VIRMA: variants seen among roughly 807,000 people sequenced by gnomAD.
The protein encoded by VIRMA is vir like m6A methyltransferase associated.
Under a neutral mutation model 182.4 loss-of-function variants are expected in VIRMA, and 65 were observed. That is an observed-to-expected ratio of 0.36 (90% CI 0.29 to 0.44). The LOEUF (loss-of-function observed/expected upper bound fraction) is 0.44. VIRMA is among the 20% of genes least tolerant of loss of function. The probability of loss-of-function intolerance (pLI) is 1.00; values close to 1 mark genes in which losing one functional copy is unlikely to be tolerated. For missense variants in VIRMA, 1,752 were observed against 2,158.1 expected (o/e 0.81, Z 3.73); for synonymous variants, 709 against 743.1 (o/e 0.95, Z 0.75).
At chr8:94,513,347 A>G (rs1216043407) in intron 11 of VIRMA, among the ~76,000 whole-genome samples, 8 of 152,052 alleles carry the variant, frequency 5.3e-5, no homozygotes, top group Admixed American at 5.2e-4. Flanking sequence ...AAAACAAAAC[A>G]AAACAAAACA....
At chr8:94,524,300 G>GTGTT (rs113388664) in intron 8 of VIRMA, among the ~76,000 whole-genome samples, 5,899 of 144,448 alleles carry the variant, frequency 0.041, 128 homozygotes, top group Middle Eastern at 0.051. Flanking sequence ...TGCCTGGCCG[G>GTGTT]TGTTTGTTTG....
chr8:94,488,837 G>A lies in VIRMA; in HGVS notation c.5308C>T (p.Arg1770Cys), dbSNP rs567292431. 14 of 1,613,990 alleles carry A rather than the reference G, an allele frequency of 8.7e-6. No homozygotes were observed. The highest frequency in any genetic ancestry group is 2.2e-5 in the South Asian group (2 of 91,070). The change falls in exon 24 of 24, where the codon CGT (arginine) becomes TGT (cysteine). Residue 1770 changes from arginine (R) to cysteine (C), a missense_variant. Arg to Cys is a radical substitution (Grantham distance 180). Coordinates refer to ENST00000297591, the MANE Select transcript of VIRMA (RefSeq NM_015496.5). The stretch of plus-strand genomic sequence containing the variant: ...AGTCCCCCACGACCTCTAGAAGCAC[G>A]GTCCCGAGGACTTGGGCGGTAACCT... Reference protein sequence around the residue: ...STGYRPSPRDRASRGRGGLGP... With the variant: ...STGYRPSPRDCASRGRGGLGP...
chr8:94,494,756 G>T, intron 20 of VIRMA, 104 bp downstream of exon 20: 2 of 693,118 alleles, frequency 2.9e-6, no homozygotes, highest in Non-Finnish European at 2.4e-6. Flanking sequence ...CTTCCAAGTA[G>T]ACTTTAACAG....
chr8:94,496,139 T>G (rs1421881009), intron 18 of VIRMA, 189 bp downstream of exon 18: 3 of 631,336 alleles, frequency 4.8e-6, no homozygotes, highest in Non-Finnish European at 7.9e-6. Flanking sequence ...ACCGTCTTCA[T>G]GTACTCCTTA....
chr8:94,518,794 T>C (rs566883821), intron 9 of VIRMA, among the ~76,000 whole-genome samples, 191 bp downstream of exon 9: 4 of 152,360 alleles, frequency 2.6e-5, no homozygotes, highest in African/African-American at 9.6e-5. Flanking sequence ...AAGAGTCCAC[T>C]GTATTACTTT....
intron 15 of VIRMA, among the ~76,000 whole-genome samples, chr8:94,509,357 A>G (rs3102857): frequency 0.31 from 46,773 of 151,218 alleles, 7,333 homozygotes; most frequent in South Asian, 0.47. Context: ...AGCTGAGATC[A>G]CGCCATTGCA....
In VIRMA at chr8:94,538,325, A is replaced by G; in HGVS notation, c.201T>C (p.Phe67=). Residue 67 remains phenylalanine, a synonymous_variant, in exon 3 of 24, where the codon TTT becomes TTC. Coordinates refer to ENST00000297591, the MANE Select transcript of VIRMA (RefSeq NM_015496.5). ...CATTGTTGAAGAATAAGTCTAATTG[A>G]AATGTATGGGGAGATGTCTCTCTGT... ...RAYGETSPHT[F]QLDLFFNNVS... is the part of the protein sequence containing the mutation. 2.5e-6 allele frequency: 4 copies of G among 1,611,740 alleles called. No individual in the cohort carries two copies. Among genetic ancestry groups the G allele is most frequent in the Non-Finnish European group, 3.4e-6 (4 of 1,177,946 alleles).
intron 1 of VIRMA, among the ~76,000 whole-genome samples, chr8:94,550,290 A>AT (rs11356608): frequency 3.0e-3 from 427 of 143,120 alleles, no homozygotes; most frequent in African/African-American, 5.5e-3. Flanking sequence ...TCTCTGAACC[A>AT]TTTTTTTTTT....
intron 1 of VIRMA, among the ~76,000 whole-genome samples, chr8:94,548,255 T>C (rs1343327648): frequency 6.6e-6 from 1 of 150,446 alleles, no homozygotes; most frequent in Non-Finnish European, 1.5e-5. Context: ...ACTTTTGAAA[T>C]ATTATATAGG....
intron 15 of VIRMA, among the ~76,000 whole-genome samples, chr8:94,508,590 C>A (rs1814248248): frequency 2.6e-5 from 4 of 151,796 alleles, no homozygotes; most frequent in Admixed American, 2.6e-4. Flanking sequence ...TGTAGTCATG[C>A]AACCCAAAGT....
In VIRMA at chr8:94,510,401, T is replaced by G. The variant is rs1377064224; in HGVS notation, c.3626+16A>C. ...AATAATTTGAGGAAAAAATTTTTAA[T>G]GCAAAATGAAAATACCTTTGCAAGT... On this transcript the variant is annotated intron_variant, in intron 14 of 23. Transcript: ENST00000297591. 6.3e-7 allele frequency: 1 copy of G among 1,592,582 alleles called. No individual in the cohort carries two copies. Among genetic ancestry groups the G allele is most frequent in the Non-Finnish European group, 8.6e-7 (1 of 1,165,866 alleles).
rs1390120490 is a variant in VIRMA, at chr8:94,495,789, G to C, written c.4486C>G (p.Gln1496Glu). 2 of 1,613,726 alleles carry C rather than the reference G, an allele frequency of 1.2e-6. No individual in the cohort carries two copies. Among genetic ancestry groups the C allele is most frequent in the East Asian group, 2.2e-5 (1 of 44,858 alleles). Reference protein sequence around the residue: ...SSGDPLPLSDQDVEPVLSAPE... With the variant: ...SSGDPLPLSDEDVEPVLSAPE... ...GCTGAAAGTACTGGTTCTACATCCT[G>C]GTCACTGAGAGGTAAAGGGTCACCT... The change falls in exon 19 of 24, where the codon CAG becomes GAG. Residue 1496 changes from glutamine to glutamate, a missense_variant. Coordinates refer to ENST00000297591, the MANE Select transcript of VIRMA (RefSeq NM_015496.5).
In VIRMA at chr8:94,519,127, C is replaced by T. The variant is rs1170570568; in HGVS notation, c.2371G>A (p.Asp791Asn). 6.2e-7 allele frequency: 1 copy of T among 1,614,108 alleles called. No individual in the cohort carries two copies. Among genetic ancestry groups the T allele is most frequent in the South Asian group, 1.1e-5 (1 of 91,068 alleles). The change falls in exon 9 of 24, where the codon GAT (aspartate) becomes AAT (asparagine). Residue 791 changes from aspartate to asparagine, a missense_variant. This residue lies in a region of VIRMA where 45 missense variants were observed against 91.0 expected (regional missense o/e 0.49). Coordinates refer to ENST00000297591, the MANE Select transcript of VIRMA (RefSeq NM_015496.5). ...CTASEETDHS[D>N]LLGTLHNLYL... ...AGATTGTGCAGGGTTCCCAAGAGAT[C>T]TGAATGGTCTGTTTCTTCACTGGCT...
intron 16 of VIRMA, 84 bp from the exon 17 acceptor site, chr8:94,499,590 C>A: frequency 1.1e-6 from 1 of 931,932 alleles, no homozygotes; most frequent in Non-Finnish European, 1.5e-6. Flanking sequence ...TCACTTCAGA[C>A]AGAATAAAAC....
chr8:94,549,366 T>C (rs1439826985), intron 1 of VIRMA, among the ~76,000 whole-genome samples: 2 of 152,216 alleles, frequency 1.3e-5, no homozygotes, highest in Non-Finnish European at 2.9e-5. Flanking sequence ...TTCTGACTTG[T>C]ATTGCCCCTC....
intron 15 of VIRMA, among the ~76,000 whole-genome samples, chr8:94,507,990 T>G (rs1003294227): frequency 2.7e-5 from 4 of 150,090 alleles, no homozygotes; most frequent in Admixed American, 2.0e-4. Context: ...TATATGTGTA[T>G]ATATATAAGT....
chr8:94,512,580 C>T (rs1814416765), intron 11 of VIRMA: 1 of 152,138 alleles, frequency 6.6e-6, no homozygotes, highest in Non-Finnish European at 1.5e-5. Flanking sequence ...AGTTAGAGAC[C>T]AACCTGGGCA....
intron 20 of VIRMA, among the ~76,000 whole-genome samples, chr8:94,493,173 A>G (rs1013320762): frequency 2.0e-5 from 3 of 152,218 alleles, no homozygotes; most frequent in African/African-American, 7.2e-5. Context: ...ATACTCTGCC[A>G]GCCTTATATA....
chr8:94,525,852 AGAGTAG>A (rs943747972), intron 8 of VIRMA, among the ~76,000 whole-genome samples: 1 of 152,222 alleles, frequency 6.6e-6, no homozygotes, highest in African/African-American at 2.4e-5. Context: ...CAATGTATTA[AGAGTAG>A]TAAGTACAGA....
Sources: gnomAD v4.1 joint callset for allele counts (sites outside exome capture counted in the v4.1 genomes callset) on GRCh38, gnomAD v4.1.1 for gene constraint, gnomAD v4.1.1 regional missense constraint, MANE v1.5 for transcripts, NCBI Gene and HGNC (gene_info 2026-07-23, HGNC 2026-07-21) for gene names.